The following DOCK4 variants were observed in gnomAD, a reference collection of about 807,000 sequenced individuals.
DOCK4 encodes the protein dedicator of cytokinesis protein 4.
Under a neutral mutation model 268.1 loss-of-function variants are expected in DOCK4, and 97 were observed. The observed-to-expected ratio is 0.36, with a 90% CI of 0.31 to 0.43. The LOEUF is 0.43. Ranked by LOEUF, DOCK4 falls within the 20% of genes least tolerant of loss-of-function variation. DOCK4 has a pLI of 1.00. For synonymous variants in DOCK4, 954 were observed against 887.2 expected (o/e 1.08, Z -1.34); for missense variants, 2,145 against 2,455.7 (o/e 0.87, Z 2.67).
intron 8 of DOCK4, among the ~76,000 whole-genome samples, chr7:111,968,774 G>A (rs1325203823): frequency 2.2e-5 from 2 of 92,056 alleles, no homozygotes; most frequent in Non-Finnish European, 2.0e-5. Context: ...TGTTTATTGC[G>A]GCACTATTCA....
intron 7 of DOCK4, among the ~76,000 whole-genome samples, chr7:111,980,717 G>A (rs916919572): frequency 7.9e-5 from 12 of 152,102 alleles, no homozygotes; most frequent in Non-Finnish European, 5.9e-5. Context: ...TTGTGACAAC[G>A]AAAAATGTCT....
At chr7:112,182,648 G>C (rs1353899945) in intron 1 of DOCK4, among the ~76,000 whole-genome samples, 1 of 152,214 alleles carries the variant, frequency 6.6e-6, no homozygotes, top group Admixed American at 6.5e-5. Context: ...TGTCACTAAG[G>C]AAACTATAGG....
At chr7:111,971,673 A>G in intron 8 of DOCK4, 1 of 254,258 alleles carries the variant, frequency 3.9e-6, no homozygotes, top group Non-Finnish European at 7.2e-6. Flanking sequence ...GCCTGGGCCA[A>G]CAGCCTCTTC....
At chr7:112,079,310 C>G (rs1808372873) in intron 1 of DOCK4, among the ~76,000 whole-genome samples, 1 of 152,118 alleles carries the variant, frequency 6.6e-6, no homozygotes, top group African/African-American at 2.4e-5. Context: ...AGATAAGAAC[C>G]TGGAAGTTTC....
At chr7:111,919,138 C>T (rs1281000044) in intron 12 of DOCK4, among the ~76,000 whole-genome samples, 2 of 149,454 alleles carry the variant, frequency 1.3e-5, no homozygotes, top group Non-Finnish European at 3.0e-5. Flanking sequence ...AAAACAAAAA[C>T]AAAAGCAAAC....
Position 111,782,809 on chromosome 7 carries a change from G to A in DOCK4, c.3585+55C>T. 14 of 1,528,228 alleles carry A rather than the reference G, an allele frequency of 9.2e-6. No individual in the cohort carries two copies. In the South Asian group the frequency reaches 1.5e-4, roughly 16 times the overall value. The allele number at this position is 1,528,228 out of a possible 1,614,324, so 94.7% of individuals were successfully genotyped here. A position where few individuals can be genotyped will look rare whatever the true frequency, so the allele number is the denominator to read the frequency against. ...ACACAAACAAAACATAGTATTTCTG[G>A]GAAAAAAATACAAGTATTAGGAGAA... On this transcript the variant is annotated intron_variant, in intron 35 of 52. Coordinates refer to ENST00000428084, the MANE Select transcript of DOCK4 (RefSeq NM_001363540.2).
At chr7:111,807,332 A>G (rs1021818047) in intron 30 of DOCK4, among the ~76,000 whole-genome samples, 1 of 152,192 alleles carries the variant, frequency 6.6e-6, no homozygotes, top group African/African-American at 2.4e-5. Flanking sequence ...GACACAAAGA[A>G]TCAATGAAAC....
At chr7:112,062,639 G>T (rs924070336) in intron 1 of DOCK4, among the ~76,000 whole-genome samples, 3 of 152,096 alleles carry the variant, frequency 2.0e-5, no homozygotes, top group African/African-American at 7.2e-5. Flanking sequence ...CATATTCTAT[G>T]ATTTCTGCTG....
chr7:111,976,557 C>T (rs1303872390), intron 8 of DOCK4: 1 of 151,352 alleles, frequency 6.6e-6, no homozygotes, highest in African/African-American at 2.4e-5. Context: ...AAAACATACA[C>T]CATATATCTT....
intron 27 of DOCK4, among the ~76,000 whole-genome samples, chr7:111,815,587 C>CAGATTTAT (rs1801476706): frequency 6.8e-6 from 1 of 147,228 alleles, no homozygotes; most frequent in African/African-American, 2.7e-5. Flanking sequence ...AGCCAAATTA[C>CAGATTTAT]TGATTTATTT....
chr7:111,862,635 C>T (rs117825440), intron 23 of DOCK4, among the ~76,000 whole-genome samples: 9,461 of 151,478 alleles, frequency 0.062, 353 homozygotes, highest in Middle Eastern at 0.13. Context: ...GGATTACAGG[C>T]ACCTCTCAAC....
chr7:111,813,877 T>C (rs181174905), intron 27 of DOCK4, among the ~76,000 whole-genome samples: 1 of 152,300 alleles, frequency 6.6e-6, no homozygotes. Context: ...GGCAAGGAAG[T>C]TGTTCTTGCC....
In DOCK4 at chr7:111,847,023, A is replaced by G; in HGVS notation, c.2577T>C (p.Phe859=). The G allele has an allele frequency of 6.2e-7, 1 of 1,613,706 alleles. No homozygotes were observed. The highest frequency in any genetic ancestry group is 1.1e-5 in the South Asian group (1 of 91,068). ...IMCARILSNV[F]CLIKKNSSEK... The stretch of plus-strand genomic sequence containing the variant: ...CTGAGCTATTTTTCTTGATAAGACA[A>G]AATACGTTGCTAAGGATACGTGCAC... Residue 859 remains phenylalanine, a synonymous_variant, in exon 24 of 53, where the codon TTT becomes TTC. Transcript: ENST00000428084.
intron 22 of DOCK4, among the ~76,000 whole-genome samples, chr7:111,867,477 C>T (rs1390115856): frequency 1.3e-5 from 2 of 152,074 alleles, no homozygotes; most frequent in Non-Finnish European, 2.9e-5. Flanking sequence ...GGGCTACTTC[C>T]GGTAATGGAG....
rs1023846795 is a variant in DOCK4, at chr7:111,728,385, C to A, written c.5817G>T (p.Ala1939=). 1.3e-6 allele frequency: 2 copies of A among 1,552,292 alleles called. No homozygotes were observed. The highest frequency in any genetic ancestry group is 3.7e-5 in the Admixed American group (2 of 53,988). ...GCGCTGCCAGAGGCTTGGGGGGCAG[C>A]GCGGGCGGCTCCGACGTGACGGGGA... is the stretch of plus-strand genomic sequence containing the variant. The part of the protein sequence containing the change: ...LSIPVTSEPP[A]LPPKPLAARS... The change falls in exon 53 of 53, where the codon GCG becomes GCT. Residue 1939 remains alanine, a synonymous_variant. Coordinates refer to ENST00000428084, the MANE Select transcript of DOCK4 (RefSeq NM_001363540.2).
At chr7:112,049,563 G>A (rs542443700) in intron 1 of DOCK4, among the ~76,000 whole-genome samples, 27 of 152,080 alleles carry the variant, frequency 1.8e-4, no homozygotes, top group South Asian at 1.7e-3. Flanking sequence ...AATGCCAATC[G>A]GTGTAAATAC....
At chr7:112,139,187 T>G (rs1023456465) in intron 1 of DOCK4, among the ~76,000 whole-genome samples, 1 of 152,114 alleles carries the variant, frequency 6.6e-6, no homozygotes, top group Non-Finnish European at 1.5e-5. Context: ...TTGTGTACAT[T>G]AAGAACCAGG....
chr7:111,978,284 T>A (rs987185328), intron 7 of DOCK4, among the ~76,000 whole-genome samples: 2 of 152,230 alleles, frequency 1.3e-5, no homozygotes, highest in African/African-American at 2.4e-5. Context: ...TAGGCTGGAC[T>A]GCAGTGGCAC....
At chr7:112,000,303 G>T (rs1284216884) in intron 3 of DOCK4, among the ~76,000 whole-genome samples, 191 bp downstream of exon 3, 1 of 152,040 alleles carries the variant, frequency 6.6e-6, no homozygotes, top group East Asian at 1.9e-4. Context: ...AGCTAAATAG[G>T]ATTATCATTT....
Sources: gnomAD v4.1 joint callset for allele counts (sites outside exome capture counted in the v4.1 genomes callset) on GRCh38, gnomAD v4.1.1 for gene constraint, MANE v1.5 for transcripts, NCBI Gene and HGNC (gene_info 2026-07-23, HGNC 2026-07-21) for gene names.